MSH3: variants seen among roughly 807,000 people sequenced by gnomAD.
MSH3 encodes DNA mismatch repair protein Msh3.
In MSH3, 106 loss-of-function variants were observed where a neutral mutation model predicts 123.3. The ratio of observed to expected loss-of-function variants is 0.86; its 90% CI spans 0.73 to 1.01. MSH3 has a LOEUF of 1.01. Among genes scored for constraint, MSH3 ranks in the 50% least tolerant of loss-of-function variants. The pLI, the probability that MSH3 is intolerant of heterozygous loss-of-function variation, is 0.00. For missense variants in MSH3, 1,459 were observed against 1,347.6 expected (o/e 1.08, Z -1.29); for synonymous variants, 515 against 481.4 (o/e 1.07, Z -0.91).
intron 22 of MSH3, among the ~76,000 whole-genome samples, chr5:80,872,089 G>T (rs1039172442): frequency 1.3e-5 from 2 of 152,190 alleles, no homozygotes; most frequent in Non-Finnish European, 2.9e-5. Context: ...ATAGCTCTTA[G>T]TTAACCTGAA....
chr5:80,816,400 G>C (rs759693846), intron 20 of MSH3, among the ~76,000 whole-genome samples: 3 of 152,214 alleles, frequency 2.0e-5, no homozygotes, highest in Non-Finnish European at 2.9e-5. Context: ...ATTTCAGAGA[G>C]AGCATGTGCA....
chr5:80,828,923 C>T (rs921924489), intron 20 of MSH3, among the ~76,000 whole-genome samples: 3 of 152,204 alleles, frequency 2.0e-5, no homozygotes, highest in Non-Finnish European at 2.9e-5. Context: ...AGTCAAGTGC[C>T]TGCAGCTTTC....
chr5:80,840,479 T>C (rs1168637299), intron 20 of MSH3, among the ~76,000 whole-genome samples: 1 of 152,234 alleles, frequency 6.6e-6, no homozygotes, highest in East Asian at 1.9e-4. Flanking sequence ...AGTGGCATAA[T>C]CTCAGCTCAC....
At chr5:80,663,068 A>G (rs575872620) in intron 2 of MSH3, among the ~76,000 whole-genome samples, 19 of 152,254 alleles carry the variant, frequency 1.2e-4, no homozygotes, top group African/African-American at 1.9e-4. Flanking sequence ...GACCCTGTCT[A>G]TACAAAAAAT....
At chr5:80,691,867 G>GTATGTTTATATAGACAAACGTGTA (rs1750265192) in intron 8 of MSH3, among the ~76,000 whole-genome samples, 10 of 140,124 alleles carry the variant, frequency 7.1e-5, no homozygotes, top group Non-Finnish European at 1.4e-4. Flanking sequence ...AGCTAAACAT[G>GTATGTTTATATAGACAAACGTGTA]TATGTTTATA....
At chr5:80,829,561 C>G (rs1369485843) in intron 20 of MSH3, among the ~76,000 whole-genome samples, 1 of 152,188 alleles carries the variant, frequency 6.6e-6, no homozygotes, top group East Asian at 1.9e-4. Flanking sequence ...AATGTTCACC[C>G]AGTCTTGCAC....
At chr5:80,864,417 T>C (rs1445108938) in intron 21 of MSH3, among the ~76,000 whole-genome samples, 1 of 152,110 alleles carries the variant, frequency 6.6e-6, no homozygotes, top group African/African-American at 2.4e-5. Flanking sequence ...AAAGAAACAT[T>C]GTTGGGAGAA....
chr5:80,868,756 C>T (rs1412484825), intron 22 of MSH3, among the ~76,000 whole-genome samples: 1 of 151,086 alleles, frequency 6.6e-6, no homozygotes, highest in East Asian at 1.9e-4. Context: ...CACATGTACC[C>T]CTGAACTTAA....
intron 23 of MSH3, among the ~76,000 whole-genome samples, chr5:80,874,013 G>A (rs1305809639): frequency 6.6e-6 from 1 of 152,080 alleles, no homozygotes; most frequent in East Asian, 1.9e-4. Flanking sequence ...GCCGTACTTG[G>A]GGAGCCTGGT....
intron 4 of MSH3, 138 bp from the exon 5 acceptor site, chr5:80,672,106 T>C: frequency 4.3e-6 from 3 of 700,074 alleles, no homozygotes; most frequent in Non-Finnish European, 7.3e-6. Flanking sequence ...TTAAACTTTT[T>C]ATTGACATAG....
At chr5:80,723,094 A>AAAAT (rs57338891) in intron 8 of MSH3, among the ~76,000 whole-genome samples, 62,863 of 144,180 alleles carry the variant, frequency 0.44, 13,830 homozygotes, top group Non-Finnish European at 0.46. Flanking sequence ...ACTCTGTCTA[A>AAAAT]AAATAAATAA....
chr5:80,725,626 A>C lies in MSH3; in HGVS notation c.1453+61A>C, dbSNP rs32952. ...GATTTGAAATTTGGATAAAGGTATTAGTATGATTCTCAATTTAATGATGAC... is the reference window on the plus strand; with the variant it reads ...GATTTGAAATTTGGATAAAGGTATTCGTATGATTCTCAATTTAATGATGAC... On this transcript the variant is annotated intron_variant, in intron 9 of 23. Coordinates refer to ENST00000265081, the MANE Select transcript of MSH3 (RefSeq NM_002439.5). 391,584 of 1,111,600 alleles carry C rather than the reference A, an allele frequency of 0.35. 70,287 individuals carry two copies. The highest frequency in any genetic ancestry group is 0.37 in the Non-Finnish European group (272,067 of 725,822). The allele number at this position is 1,111,600 out of a possible 1,614,324, so 68.9% of individuals were successfully genotyped here. A position where few individuals can be genotyped will look rare whatever the true frequency, so the allele number is the denominator to read the frequency against.
intron 20 of MSH3, among the ~76,000 whole-genome samples, chr5:80,842,442 A>G (rs1464873037): frequency 6.6e-6 from 1 of 152,194 alleles, no homozygotes; most frequent in African/African-American, 2.4e-5. Flanking sequence ...TTCTGTGAAG[A>G]AAATCAGTGG....
intron 13 of MSH3, among the ~76,000 whole-genome samples, chr5:80,764,589 C>T (rs1317087826): frequency 1.3e-5 from 2 of 151,468 alleles, no homozygotes; most frequent in African/African-American, 4.9e-5. Context: ...TCTCCAGCTC[C>T]TGGGTTCAAG....
rs140384852 is a variant in MSH3, at chr5:80,661,226, T to G, written c.359-3917T>G. Among the ~76,000 whole-genome samples the G allele has an allele frequency of 2.3e-3, 344 of 152,344 alleles. 1 individual carries two copies. Among genetic ancestry groups the G allele is most frequent in the African/African-American group, 7.5e-3 (312 of 41,586 alleles). ...GGGAAACTTTTTTGGTTGTTATTGT[T>G]TCACATTTTTTCTGTCTTCCTGTCT... On this transcript the variant is annotated intron_variant, in intron 2 of 23. Coordinates refer to ENST00000265081, the MANE Select transcript of MSH3 (RefSeq NM_002439.5).
intron 18 of MSH3, among the ~76,000 whole-genome samples, chr5:80,788,163 G>A (rs553186146): frequency 4.6e-5 from 7 of 152,284 alleles, no homozygotes; most frequent in East Asian, 1.9e-4. Flanking sequence ...ATGGCTGGGC[G>A]CATGGCTCAC....
intron 8 of MSH3, among the ~76,000 whole-genome samples, chr5:80,702,003 A>C (rs2112838521): frequency 6.6e-6 from 1 of 152,110 alleles, no homozygotes; most frequent in Middle Eastern, 3.4e-3. Context: ...CTTCTTTCTG[A>C]AAAAACAACA....
intron 12 of MSH3, among the ~76,000 whole-genome samples, chr5:80,749,681 A>C (rs1743797449): frequency 6.6e-6 from 1 of 152,210 alleles, no homozygotes; most frequent in Non-Finnish European, 1.5e-5. Context: ...CAAGCTAATT[A>C]ATATATCTAT....
intron 17 of MSH3, 31 bp from the exon 18 acceptor site, chr5:80,787,534 C>A (rs778974593): frequency 3.5e-6 from 5 of 1,432,102 alleles, no homozygotes; most frequent in South Asian, 2.3e-5. Flanking sequence ...TCAGTTTGCT[C>A]ACCTTTTTGT....
Sources: gnomAD v4.1 joint callset for allele counts (sites outside exome capture counted in the v4.1 genomes callset) on GRCh38, gnomAD v4.1.1 for gene constraint, MANE v1.5 for transcripts, NCBI Gene and HGNC (gene_info 2026-07-23, HGNC 2026-07-21) for gene names.